Variants in APOL1 observed in about 807,000 individuals in gnomAD.
APOL1 encodes the protein apolipoprotein L1, also known as apolipoprotein L 1.
APOL1 carries 17 observed loss-of-function variants against 14.9 expected under a neutral mutation model. The observed-to-expected ratio is 1.14, with a 90% CI of 0.78 to 1.71. The LOEUF (loss-of-function observed/expected upper bound fraction) is 1.71. Ranked by LOEUF, APOL1 falls within the 40% of genes most tolerant of loss-of-function variation. The probability of loss-of-function intolerance (pLI) is 0.00; values close to 1 mark genes in which losing one functional copy is unlikely to be tolerated. For synonymous variants in APOL1, 195 were observed against 184.8 expected, an observed-to-expected ratio of 1.05 and a Z score of -0.45; for missense variants, 523 against 485.9, an observed-to-expected ratio of 1.08 and a Z score of -0.72.
In APOL1 at chr22:36,253,193, C is replaced by A; in HGVS notation, c.-46C>A. 2 of 492,006 alleles carry A rather than the reference C, an allele frequency of 4.1e-6. No homozygotes were observed. Among genetic ancestry groups the A allele is most frequent in the Non-Finnish European group, 8.1e-6 (2 of 246,904 alleles). The allele number at this position is 492,006 out of a possible 1,614,324, so 30.5% of individuals were successfully genotyped here. On this transcript the variant is annotated 5_prime_UTR_variant, in exon 1 of 6. Transcript: ENST00000397278. Reference sequence around the variant, plus strand: ...CAGCTCAGAACAGCTGGATCTTGCTCAGTCTCTGCCAGGGGAAGATTCCTT... The same window carrying A: ...CAGCTCAGAACAGCTGGATCTTGCTAAGTCTCTGCCAGGGGAAGATTCCTT...
At chr22:36,253,836 AGACT>A (rs2015768429) in intron 1 of APOL1, 1 of 1,198,296 alleles carries the variant, frequency 8.3e-7, no homozygotes, top group Admixed American at 1.8e-5. Flanking sequence ...CCCTCTGTTC[AGACT>A]TCTGGGGTGA....
intron 4 of APOL1, chr22:36,259,676 T>C (rs759502839): frequency 1.5e-6 from 2 of 1,297,788 alleles, no homozygotes; most frequent in South Asian, 2.5e-5. Context: ...CAGGCCCAGC[T>C]GGGTCCAGAG....
At chr22:36,261,009 CCACTTCCTTGGCCTGGAAGGCT>C (rs1158933244) in intron 4 of APOL1, among the ~76,000 whole-genome samples, 1 of 152,198 alleles carries the variant, frequency 6.6e-6, no homozygotes, top group Non-Finnish European at 1.5e-5. Context: ...TGGGATGTTT[CCACTTCCTTGGCCTGGAAGGCT>C]CACTTCATGT....
In APOL1 at chr22:36,265,646, C is replaced by T. The variant is rs2016222457; in HGVS notation, c.810C>T (p.Gly270=). The T allele has an allele frequency of 6.3e-7, 1 of 1,596,940 alleles. No homozygotes were observed. Among genetic ancestry groups the T allele is most frequent in the African/African-American group, 1.3e-5 (1 of 74,462 alleles). Residue 270 remains glycine (G), a synonymous_variant, in exon 6 of 6, where the codon GGC becomes GGT. Coordinates refer to ENST00000397278, the MANE Select transcript of APOL1 (RefSeq NM_003661.4). ...TATCCAACTTTCTTTCCTTAGCTGG[C>T]AATACTTACCAACTCACACGAGGCA... ...ENISNFLSLA[G]NTYQLTRGIG...
chr22:36,259,702 C>T (rs893688637), intron 4 of APOL1: 27 of 1,303,720 alleles, frequency 2.1e-5, no homozygotes, highest in Admixed American at 6.9e-5. Flanking sequence ...AGTGGAGAGC[C>T]GTGTACCCTG....
intron 4 of APOL1, chr22:36,257,654 T>G: frequency 5.5e-6 from 2 of 366,428 alleles, no homozygotes; most frequent in Non-Finnish European, 5.1e-6. Flanking sequence ...ACCTAGCAAA[T>G]GACTCAAGTG....
chr22:36,260,058 C>G (rs953020559), intron 4 of APOL1: 1 of 697,616 alleles, frequency 1.4e-6, no homozygotes. Context: ...TGGTTTTGGG[C>G]GGTGACTCTC....
intron 2 of APOL1, among the ~76,000 whole-genome samples, chr22:36,256,785 G>A (rs548772173): frequency 3.9e-5 from 6 of 152,308 alleles, no homozygotes; most frequent in African/African-American, 1.4e-4. Context: ...TAGCACTATT[G>A]TAAAAACACT....
At chr22:36,260,721 C>T (rs1026337925) in intron 4 of APOL1, among the ~76,000 whole-genome samples, 7 of 152,160 alleles carry the variant, frequency 4.6e-5, no homozygotes, top group African/African-American at 1.7e-4. Flanking sequence ...CCATATGCAC[C>T]CCGTGTCCTT....
intron 4 of APOL1, among the ~76,000 whole-genome samples, chr22:36,258,428 G>T (rs2015964209): frequency 6.6e-6 from 1 of 152,198 alleles, no homozygotes; most frequent in Non-Finnish European, 1.5e-5. Flanking sequence ...GACATTATTT[G>T]ATTGGTTGCA....
intron 2 of APOL1, among the ~76,000 whole-genome samples, chr22:36,255,308 C>A (rs1404353604): frequency 6.6e-6 from 1 of 152,274 alleles, no homozygotes; most frequent in Non-Finnish European, 1.5e-5. Context: ...TCCGAGGCAC[C>A]AGCTCTCTCT....
chr22:36,256,315 G>A (rs551620321), intron 2 of APOL1, among the ~76,000 whole-genome samples: 5 of 152,210 alleles, frequency 3.3e-5, no homozygotes, highest in Non-Finnish European at 7.3e-5. Flanking sequence ...AAAGCCTTTT[G>A]AGTTGTTGAT....
rs546339237 is a variant in APOL1, at chr22:36,266,339, T to C, written c.*306T>C. ...CTCCTGACCTCTTGATCTGCCCACC[T>C]TGGCCTCCCAAAGTGCTGGGATTAC... On this transcript the variant is annotated 3_prime_UTR_variant, in exon 6 of 6. Coordinates refer to ENST00000397278, the MANE Select transcript of APOL1 (RefSeq NM_003661.4). 7.4e-6 allele frequency: 3 copies of C among 404,996 alleles called. No individual in the cohort carries two copies. The highest frequency in any genetic ancestry group is 6.6e-4 in the Middle Eastern group (1 of 1,520). 25.1% of individuals were successfully genotyped at this position (404,996 alleles called of 1,614,324 possible).
chr22:36,254,726 C>T (rs1319021587), intron 1 of APOL1, among the ~76,000 whole-genome samples: 3 of 151,448 alleles, frequency 2.0e-5, no homozygotes, highest in Non-Finnish European at 4.4e-5. Flanking sequence ...AGCCGGGTGT[C>T]GTGGCGGGCA....
At chr22:36,262,456 G>A (rs1259155145) in intron 5 of APOL1, among the ~76,000 whole-genome samples, 1 of 152,188 alleles carries the variant, frequency 6.6e-6, no homozygotes, top group Admixed American at 6.5e-5. Flanking sequence ...GAAGGCCTTA[G>A]AGGCAACTCC....
chr22:36,259,695 G>A (rs1218660712), intron 4 of APOL1: 1 of 1,303,736 alleles, frequency 7.7e-7, no homozygotes, highest in Non-Finnish European at 1.0e-6. Flanking sequence ...AGGTGACAGT[G>A]GAGAGCCGTG....
intron 4 of APOL1, 117 bp from the exon 5 acceptor site, chr22:36,261,479 A>G (rs1411334321): frequency 1.7e-6 from 2 of 1,180,606 alleles, no homozygotes; most frequent in African/African-American, 1.5e-5. Context: ...TGACTCCATA[A>G]AACAAGTCCC....
rs189436505 is a variant in APOL1, at chr22:36,266,722, A to G, written c.*689A>G. On this transcript the variant is annotated 3_prime_UTR_variant, in exon 6 of 6. Coordinates refer to ENST00000397278, the MANE Select transcript of APOL1 (RefSeq NM_003661.4). The stretch of plus-strand genomic sequence containing the variant: ...AGATCGAGACCATCCTGGCTAACAC[A>G]GTGAAACCCCGTCTCTACTAAAAAT... 0.012 allele frequency: 4,268 copies of G among 341,968 alleles called. 115 individuals carry two copies. Among genetic ancestry groups the G allele is most frequent in the African/African-American group, 0.068 (3,178 of 47,052 alleles). 21.2% of individuals were successfully genotyped at this position (341,968 alleles called of 1,614,324 possible).
intron 2 of APOL1, among the ~76,000 whole-genome samples, chr22:36,256,532 T>C (rs1272449681): frequency 6.6e-6 from 1 of 152,206 alleles, no homozygotes; most frequent in East Asian, 1.9e-4. Flanking sequence ...GGGGCTGGGC[T>C]GGCATCTGGC....
Sources: gnomAD v4.1 joint callset for allele counts (sites outside exome capture counted in the v4.1 genomes callset) on GRCh38, gnomAD v4.1.1 for gene constraint, MANE v1.5 for transcripts, NCBI Gene and HGNC (gene_info 2026-07-23, HGNC 2026-07-21) for gene names.